The following PLCE1 variants were observed in gnomAD, a reference collection of about 807,000 sequenced individuals.
The protein encoded by PLCE1 is phospholipase C epsilon 1, also known as 1-phosphatidylinositol 4,5-bisphosphate phosphodiesterase epsilon-1.
In PLCE1, 119 loss-of-function variants were observed where a neutral mutation model predicts 242.8. The observed-to-expected ratio is 0.49, with a 90% CI of 0.42 to 0.57. The LOEUF (loss-of-function observed/expected upper bound fraction) is 0.57, where lower values mean the gene tolerates loss of function less well. PLCE1 is among the 20% of genes least tolerant of loss of function. The pLI, the probability that PLCE1 is intolerant of heterozygous loss-of-function variation, is 0.00. For synonymous variants in PLCE1, 945 were observed against 1,017.4 expected (o/e 0.93, Z 1.35); for missense variants, 2,441 against 2,788.8 (o/e 0.88, Z 2.81).
At chr10:94,235,406 A>G (rs1280254373) in intron 6 of PLCE1, among the ~76,000 whole-genome samples, 2 of 152,186 alleles carry the variant, frequency 1.3e-5, no homozygotes, top group Non-Finnish European at 2.9e-5. Flanking sequence ...AAGCTTCCTA[A>G]TCAACTGTAT....
At chr10:94,144,281 G>A (rs543790685) in intron 3 of PLCE1, among the ~76,000 whole-genome samples, 17 of 152,254 alleles carry the variant, frequency 1.1e-4, no homozygotes, top group East Asian at 1.9e-4. Context: ...CAGGGATCCC[G>A]TGTACTGACT....
At chr10:94,134,149 G>A (rs1174952546) in intron 3 of PLCE1, among the ~76,000 whole-genome samples, 2 of 150,378 alleles carry the variant, frequency 1.3e-5, no homozygotes, top group Admixed American at 6.6e-5. Context: ...CACCCAGGCC[G>A]GAGTGCAGTG....
intron 11 of PLCE1, 105 bp downstream of exon 11, chr10:94,255,154 A>T: frequency 2.1e-6 from 3 of 1,403,282 alleles, no homozygotes; most frequent in African/African-American, 1.4e-5. Flanking sequence ...TCACATTTTG[A>T]TGTATAGTTG....
chr10:94,238,283 G>C lies in PLCE1; in HGVS notation c.2420+2163G>C, dbSNP rs141388778. Among the ~76,000 whole-genome samples the C allele has an allele frequency of 1.6e-3, 245 of 152,276 alleles. 2 individuals carry two copies. Among genetic ancestry groups the C allele is most frequent in the African/African-American group, 5.6e-3 (233 of 41,556 alleles). On this transcript the variant is annotated intron_variant, in intron 7 of 32. Transcript: ENST00000371380. ...AACAACAACAAAAAACAAACTTCAA[G>C]ATCTCAGCAGGAAGGGAATTGGGTT...
intron 23 of PLCE1, among the ~76,000 whole-genome samples, chr10:94,296,805 C>A (rs1589496961): frequency 6.6e-6 from 1 of 152,160 alleles, no homozygotes; most frequent in East Asian, 1.9e-4. Flanking sequence ...AAATGCCTAA[C>A]TTTCAACCTG....
chr10:94,103,553 G>A (rs952965346), intron 2 of PLCE1, among the ~76,000 whole-genome samples: 1 of 152,122 alleles, frequency 6.6e-6, no homozygotes, highest in East Asian at 1.9e-4. Context: ...AGTAATTGAG[G>A]CTCAAGAAAT....
At chr10:94,315,814 T>C (rs1385820902) in intron 28 of PLCE1, among the ~76,000 whole-genome samples, 4 of 151,960 alleles carry the variant, frequency 2.6e-5, no homozygotes, top group East Asian at 3.9e-4. Context: ...CTCATCTTTA[T>C]TGAGTTCACC....
intron 7 of PLCE1, 39 bp downstream of exon 7, chr10:94,236,159 T>G: frequency 6.4e-7 from 1 of 1,552,502 alleles, no homozygotes; most frequent in Non-Finnish European, 8.9e-7. Context: ...TGCTCATCTC[T>G]TCTTTTTTCC....
At chr10:94,297,029 G>C (rs1436360220) in intron 23 of PLCE1, among the ~76,000 whole-genome samples, 1 of 151,768 alleles carries the variant, frequency 6.6e-6, no homozygotes, top group African/African-American at 2.4e-5. Context: ...GCGTGTGCCT[G>C]GCTAATTTTT....
intron 3 of PLCE1, among the ~76,000 whole-genome samples, chr10:94,156,256 G>A (rs960161578): frequency 1.6e-4 from 25 of 152,154 alleles, no homozygotes; most frequent in Admixed American, 9.2e-4. Context: ...TTTTCCACCT[G>A]GAGCTAGCAT....
chr10:94,228,701 C>T (rs142365669), intron 5 of PLCE1, among the ~76,000 whole-genome samples: 10 of 150,498 alleles, frequency 6.6e-5, no homozygotes, highest in African/African-American at 1.2e-4. Flanking sequence ...TTTTTTTTGT[C>T]GTTTTCAACT....
At chr10:94,299,184 G>A (rs2133546351) in intron 24 of PLCE1, among the ~76,000 whole-genome samples, 1 of 152,324 alleles carries the variant, frequency 6.6e-6, no homozygotes, top group African/African-American at 2.4e-5. Context: ...TACATGAACA[G>A]AGTAAGTAGT....
intron 1 of PLCE1, among the ~76,000 whole-genome samples, chr10:93,996,421 A>C (rs1347882939): frequency 2.0e-5 from 3 of 152,222 alleles, no homozygotes; most frequent in Admixed American, 6.5e-5. Context: ...TGATTAGGAA[A>C]CATGGTGCTT....
intron 1 of PLCE1, among the ~76,000 whole-genome samples, chr10:94,015,001 A>G (rs2061252008): frequency 6.6e-6 from 1 of 152,224 alleles, no homozygotes; most frequent in Non-Finnish European, 1.5e-5. Context: ...CAGTATGGGG[A>G]GACAGCTGCC....
chr10:94,319,862 CTCTT>C (rs1448172138), intron 29 of PLCE1, among the ~76,000 whole-genome samples: 12 of 86,228 alleles, frequency 1.4e-4, no homozygotes, highest in South Asian at 1.0e-3. Context: ...CTCAAAGGTG[CTCTT>C]TTTTTTTTTT....
At chr10:94,274,395 T>C (rs2051868580) in intron 19 of PLCE1, among the ~76,000 whole-genome samples, 1 of 152,180 alleles carries the variant, frequency 6.6e-6, no homozygotes, top group African/African-American at 2.4e-5. Flanking sequence ...TCAGGCTGGC[T>C]CAAAGAGTAC....
chr10:94,107,080 A>T lies in PLCE1; in HGVS notation c.1207-25094A>T, dbSNP rs537939547. 8 of 151,876 alleles carry T rather than the reference A, an allele frequency of 5.3e-5. No homozygotes were observed. The East Asian group carries it at 1.4e-3, about 26-fold the overall frequency. 9.4% of individuals were successfully genotyped at this position (151,876 alleles called of 1,614,324 possible). A position where few individuals can be genotyped will look rare whatever the true frequency, so the allele number is the denominator to read the frequency against. ...CTCGGAGGCTACCTAGAGAAGAGTG[A>T]GTTCTGACTGTTGCTGGCAGTGGCG... On this transcript the variant is annotated intron_variant, in intron 2 of 32. Coordinates refer to ENST00000371380, the MANE Select transcript of PLCE1 (RefSeq NM_016341.4).
intron 2 of PLCE1, among the ~76,000 whole-genome samples, chr10:94,036,114 T>C (rs546232698): frequency 1.3e-5 from 2 of 152,340 alleles, no homozygotes; most frequent in Admixed American, 1.3e-4. Flanking sequence ...GTACACAGTT[T>C]GACCTCTTTG....
At chr10:94,273,411 G>A in intron 18 of PLCE1, 151 bp from the exon 19 acceptor site, 1 of 760,558 alleles carries the variant, frequency 1.3e-6, no homozygotes, top group Admixed American at 2.3e-5. Context: ...GGGGGCAGGA[G>A]CAGGGGACAG....
Sources: gnomAD v4.1 joint callset for allele counts (sites outside exome capture counted in the v4.1 genomes callset) on GRCh38, gnomAD v4.1.1 for gene constraint, MANE v1.5 for transcripts, NCBI Gene and HGNC (gene_info 2026-07-23, HGNC 2026-07-21) for gene names.